Variants in LRRC42 observed in about 807,000 individuals in gnomAD.
LRRC42 encodes leucine-rich repeat-containing protein 42.
A neutral mutation model predicts 44.3 loss-of-function variants in LRRC42; 43 were observed. That is an observed-to-expected ratio of 0.97 (90% CI 0.76 to 1.25). The LOEUF (loss-of-function observed/expected upper bound fraction) is 1.25. Among genes scored for constraint, LRRC42 ranks in the 50% most tolerant of loss-of-function variants. The pLI is 0.00. For missense variants in LRRC42, 540 were observed against 509.1 expected (o/e 1.06, Z -0.58); for synonymous variants, 207 against 195.2 (o/e 1.06, Z -0.50).
At position 53,967,733 on chromosome 1, in the gene LRRC42, GAGAAACTCC is replaced by G. The variant is rs1655166005; in HGVS notation, c.1084_1092del (p.Lys362_Gln364del). On this transcript the variant is annotated inframe_deletion, in exon 9 of 9. Coordinates refer to ENST00000371370, the MANE Select transcript of LRRC42 (RefSeq NM_001256409.2). ...GGCAGACACCCACATGAACTCTTCC[GAGAAACTCC>G]AGTTCTATAAAGAGAAAGCCCCAGA... 6.2e-7 allele frequency: 1 copy of G among 1,613,990 alleles called. No homozygotes were observed.
At position 53,967,690 on chromosome 1, in the gene LRRC42, CCCA is replaced by C; in HGVS notation, c.1040_1042del (p.Pro347del). 1 of 1,614,030 alleles carries C rather than the reference CCCA, an allele frequency of 6.2e-7. No individual in the cohort carries two copies. Among genetic ancestry groups the C allele is most frequent in the South Asian group, 1.1e-5 (1 of 91,084 alleles). On this transcript the variant is annotated inframe_deletion, in exon 9 of 9. Transcript: ENST00000371370. ...ATGGGAAGCGGTCTCGAGCAGAAGC[CCCA>C]CTGAAGTGTCCCCTGGCAGACACCC...
chr1:53,960,713 C>T (rs1330696458), intron 5 of LRRC42, among the ~76,000 whole-genome samples: 1 of 152,170 alleles, frequency 6.6e-6, no homozygotes, highest in East Asian at 1.9e-4. Context: ...ATCCATGCCA[C>T]TCGCTGTGTG....
At chr1:53,947,702 G>A (rs1569815687) in intron 1 of LRRC42, 86 bp from the exon 2 acceptor site, 1 of 152,238 alleles carries the variant, frequency 6.6e-6, no homozygotes, top group South Asian at 2.1e-4. Flanking sequence ...TGTCCTGGCT[G>A]TGTTCCCACT....
chr1:53,958,008 ATAGTAAT>A, intron 3 of LRRC42, 134 bp from the exon 4 acceptor site: 1 of 957,532 alleles, frequency 1.0e-6, no homozygotes, highest in Non-Finnish European at 1.4e-6. Context: ...CTTTGCCCTG[ATAGTAAT>A]TAGTGAAGTC....
chr1:53,961,420 AAAG>A (rs909186820), intron 5 of LRRC42, among the ~76,000 whole-genome samples: 1 of 152,112 alleles, frequency 6.6e-6, no homozygotes. Flanking sequence ...CAAAAAAAAA[AAAG>A]AAATAATGAA....
At chr1:53,946,722 C>T (rs1304482442) in intron 1 of LRRC42, among the ~76,000 whole-genome samples, 173 bp downstream of exon 1, 2 of 115,472 alleles carry the variant, frequency 1.7e-5, no homozygotes, top group Non-Finnish European at 3.6e-5. Flanking sequence ...TTAAGGGTGG[C>T]GTAGGGGTGC....
chr1:53,966,707 A>G (rs1655136050), intron 8 of LRRC42, among the ~76,000 whole-genome samples: 1 of 152,208 alleles, frequency 6.6e-6, no homozygotes, highest in Non-Finnish European at 1.5e-5. Flanking sequence ...CAGGTGTCCC[A>G]TCAACAGATA....
intron 4 of LRRC42, 54 bp from the exon 5 acceptor site, chr1:53,960,302 T>C: frequency 8.3e-7 from 1 of 1,208,514 alleles, no homozygotes. Flanking sequence ...TTTTTATACC[T>C]AGATTGTCTC....
chr1:53,952,483 TGATTA>T lies in LRRC42; in HGVS notation c.473+17_473+21del, dbSNP rs1654721735. On this transcript the variant is annotated intron_variant, in intron 3 of 8. Transcript: ENST00000371370. Reference sequence around the variant, plus strand: ...GTGTTTGCGAAACAGGTGGGTGTTCTGATTAGATTATTCGGTATTTTATTGGGTGT... The same window carrying T: ...GTGTTTGCGAAACAGGTGGGTGTTCTGATTATTCGGTATTTTATTGGGTGT... 1.9e-6 allele frequency: 3 copies of T among 1,574,888 alleles called. No homozygotes were observed. The highest frequency in any genetic ancestry group is 2.6e-6 in the Non-Finnish European group (3 of 1,156,320).
intron 5 of LRRC42, 150 bp from the exon 6 acceptor site, chr1:53,961,884 G>C (rs1434494393): frequency 1.6e-6 from 1 of 614,960 alleles, no homozygotes; most frequent in African/African-American, 1.9e-5. Flanking sequence ...GTAAAGATCA[G>C]ACCTCTGTAT....
chr1:53,963,405 A>G (rs1053083390), intron 7 of LRRC42, among the ~76,000 whole-genome samples: 2 of 152,336 alleles, frequency 1.3e-5, no homozygotes, highest in Admixed American at 6.5e-5. Context: ...AGCAGGTGAC[A>G]TGGTGGAAAG....
rs116386577 is a variant in LRRC42, at chr1:53,949,022, G to A, written c.-15+1201G>A. 1.0e-2 allele frequency among the ~76,000 whole-genome samples: 1,519 copies of A among 152,124 alleles called. 28 individuals carry two copies. Among genetic ancestry groups the A allele is most frequent in the African/African-American group, 0.034 (1,426 of 41,480 alleles). ...CAAATGATGTGGGTTTACTCTCCAG[G>A]AAAAAATTGTATTTATTTTTTCCTC... On this transcript the variant is annotated intron_variant, in intron 2 of 8. Coordinates refer to ENST00000371370, the MANE Select transcript of LRRC42 (RefSeq NM_001256409.2).
At chr1:53,962,466 G>A in intron 7 of LRRC42, 57 bp downstream of exon 7, 2 of 1,065,424 alleles carry the variant, frequency 1.9e-6, no homozygotes, top group South Asian at 2.6e-5. Context: ...AATTCCAAGT[G>A]TCTTATCCAA....
intron 4 of LRRC42, among the ~76,000 whole-genome samples, chr1:53,958,498 C>CT (rs951342853): frequency 6.6e-6 from 1 of 152,180 alleles, no homozygotes; most frequent in African/African-American, 2.4e-5. Context: ...TTAGTTGACT[C>CT]TTTTTTTCTA....
At chr1:53,959,626 C>G (rs1198672026) in intron 4 of LRRC42, among the ~76,000 whole-genome samples, 1 of 152,198 alleles carries the variant, frequency 6.6e-6, no homozygotes, top group Admixed American at 6.5e-5. Flanking sequence ...ACCTTATTAA[C>G]CCAAACTGAA....
In LRRC42 at chr1:53,946,477, C is replaced by T. The variant is rs991958415; in HGVS notation, c.-121C>T. The T allele has an allele frequency of 1.3e-5, 2 of 152,162 alleles. No individual in the cohort carries two copies. The highest frequency in any genetic ancestry group is 1.5e-5 in the Non-Finnish European group (1 of 68,076). The allele number at this position is 152,162 out of a possible 1,614,324, so 9.4% of individuals were successfully genotyped here. A position where few individuals can be genotyped will look rare whatever the true frequency, so the allele number is the denominator to read the frequency against. On this transcript the variant is annotated 5_prime_UTR_variant, in exon 1 of 9. Transcript: ENST00000371370. ...TGTGCCCGGGGTGCTGAGCCCTTCC[C>T]CGTCAGCCGGGCCGCGGGAGGAGGG...
At chr1:53,962,571 G>A (rs185589449) in intron 7 of LRRC42, among the ~76,000 whole-genome samples, 162 bp downstream of exon 7, 4 of 152,296 alleles carry the variant, frequency 2.6e-5, no homozygotes, top group East Asian at 1.9e-4. Context: ...ACTGGCCCAC[G>A]TGCTTAAAGA....
Position 53,951,758 on chromosome 1 carries a change from G to T in LRRC42, c.-14-228G>T, listed in dbSNP as rs528671197. 1.4e-4 allele frequency among the ~76,000 whole-genome samples: 21 copies of T among 152,248 alleles called. No homozygotes were observed. The South Asian group carries it at 4.3e-3, about 32-fold the overall frequency. On this transcript the variant is annotated intron_variant, in intron 2 of 8. Transcript: ENST00000371370. ...GGTTTTGAAAGAAGAGTGGGAGATG[G>T]CCAGATAAACAAGAAAAAGGGAAGA...
In LRRC42 at chr1:53,952,338, G is replaced by C. The variant is rs1359089125; in HGVS notation, c.339G>C (p.Gln113His). ...ATTCCCTTATTGGCTTTCCTGAGCA[G>C]ATTGCTGAAAAGCTGTTCTCTGCTG... Reference protein sequence around the residue: ...HIDSLIGFPEQIAEKLFSAAE... With the variant: ...HIDSLIGFPEHIAEKLFSAAE... The change falls in exon 3 of 9, where the codon CAG (glutamine) becomes CAC (histidine). Residue 113 changes from glutamine to histidine, a missense_variant. By Grantham distance (24) the Gln-to-His change is conservative. Transcript: ENST00000371370. The C allele has an allele frequency of 5.0e-6, 8 of 1,614,208 alleles. 1 individual carries two copies. The Admixed American group carries it at 5.0e-5, about 10-fold the overall frequency.
Sources: gnomAD v4.1 joint callset for allele counts (sites outside exome capture counted in the v4.1 genomes callset) on GRCh38, gnomAD v4.1.1 for gene constraint, MANE v1.5 for transcripts, NCBI Gene and HGNC (gene_info 2026-07-23, HGNC 2026-07-21) for gene names.